Variants in CEP112 observed in about 807,000 individuals in gnomAD.
CEP112 encodes the protein centrosomal protein 112.
CEP112 carries 127 observed loss-of-function variants against 153.0 expected under a neutral mutation model. That is an observed-to-expected ratio of 0.83 (90% CI 0.72 to 0.96). The LOEUF (loss-of-function observed/expected upper bound fraction) is 0.96, where lower values mean the gene tolerates loss of function less well. CEP112 is among the 40% of genes least tolerant of loss of function. The pLI is 0.00. For synonymous variants in CEP112, 358 were observed against 374.4 expected (o/e 0.96, Z 0.51); for missense variants, 1,089 against 1,101.2 (o/e 0.99, Z 0.16).
intron 14 of CEP112, 77 bp from the exon 15 acceptor site, chr17:66,028,482 T>A: frequency 1.3e-6 from 1 of 752,826 alleles, no homozygotes; most frequent in Non-Finnish European, 2.1e-6. Context: ...TGAAAAAATA[T>A]GCCTTTTGTA....
intron 19 of CEP112, among the ~76,000 whole-genome samples, chr17:65,915,495 T>C (rs1417085111): frequency 6.6e-6 from 1 of 151,946 alleles, no homozygotes; most frequent in Admixed American, 6.6e-5. Flanking sequence ...CTTTCAAAAA[T>C]GCAAACTAGG....
At chr17:66,164,920 G>GTA (rs762279973) in intron 4 of CEP112, among the ~76,000 whole-genome samples, 2 of 129,934 alleles carry the variant, frequency 1.5e-5, no homozygotes, top group African/African-American at 3.1e-5. Flanking sequence ...GTGTGTGTGT[G>GTA]TATATTTATT....
At chr17:65,775,119 T>C (rs1227201754) in intron 21 of CEP112, among the ~76,000 whole-genome samples, 1 of 152,084 alleles carries the variant, frequency 6.6e-6, no homozygotes, top group Non-Finnish European at 1.5e-5. Flanking sequence ...AAAATCAGCA[T>C]TTGACCATCT....
At chr17:66,183,381 A>G (rs1343909919) in intron 1 of CEP112, 74 bp from the exon 2 acceptor site, 9 of 1,055,648 alleles carry the variant, frequency 8.5e-6, no homozygotes, top group Admixed American at 2.4e-5. Context: ...AGAAAGATAA[A>G]AAAAACTCTT....
chr17:65,763,149 G>A (rs1314041909), intron 21 of CEP112, among the ~76,000 whole-genome samples: 2 of 152,022 alleles, frequency 1.3e-5, no homozygotes, highest in Non-Finnish European at 2.9e-5. Flanking sequence ...ACGCTTGCAT[G>A]ATTTCTTAGA....
At chr17:65,742,236 C>T (rs2051180885) in intron 23 of CEP112, among the ~76,000 whole-genome samples, 1 of 152,060 alleles carries the variant, frequency 6.6e-6, no homozygotes, top group Non-Finnish European at 1.5e-5. Flanking sequence ...CTGTAAAACC[C>T]CAATTTTTCT....
chr17:66,080,034 A>G (rs1215256990), intron 8 of CEP112, among the ~76,000 whole-genome samples: 1 of 152,170 alleles, frequency 6.6e-6, no homozygotes, highest in African/African-American at 2.4e-5. Context: ...ACTTAAACAT[A>G]AGATCTAAAA....
At chr17:65,755,857 A>G (rs1412758675) in intron 21 of CEP112, among the ~76,000 whole-genome samples, 1 of 152,146 alleles carries the variant, frequency 6.6e-6, no homozygotes, top group African/African-American at 2.4e-5. Flanking sequence ...TGCAGTATTG[A>G]AGTATCTGGG....
chr17:65,971,879 T>C (rs1027531142), intron 17 of CEP112, among the ~76,000 whole-genome samples: 1 of 152,046 alleles, frequency 6.6e-6, no homozygotes, highest in Non-Finnish European at 1.5e-5. Context: ...AGGAAACAAA[T>C]GCTGAAAATA....
At position 65,913,713 on chromosome 17, in the gene CEP112, C is replaced by G. The variant is rs912597419; in HGVS notation, c.1981-11379G>C. ...ATACACTGCTTCTTTATTCCTTTTC[C>G]TCTCCAGCCAACCATCAACAGCCAG... On this transcript the variant is annotated intron_variant, in intron 19 of 26. Coordinates refer to ENST00000535342, the MANE Select transcript of CEP112 (RefSeq NM_001199165.4). The G allele has an allele frequency of 1.6e-5, 16 of 985,302 alleles. No individual in the cohort carries two copies. The African/African-American group carries it at 2.8e-4, about 17-fold the overall frequency. 61.0% of individuals were successfully genotyped at this position (985,302 alleles called of 1,614,324 possible).
chr17:66,183,408 T>C, intron 1 of CEP112, 101 bp from the exon 2 acceptor site: 1 of 710,400 alleles, frequency 1.4e-6, no homozygotes, highest in Non-Finnish European at 2.2e-6. Context: ...TAGATATCAG[T>C]TCTCCCCAAA....
intron 12 of CEP112, among the ~76,000 whole-genome samples, chr17:66,034,770 C>T (rs1380127187): frequency 6.6e-6 from 1 of 151,548 alleles, no homozygotes; most frequent in African/African-American, 2.4e-5. Flanking sequence ...AACAAAGTAA[C>T]AGTGATAAAG....
intron 12 of CEP112, among the ~76,000 whole-genome samples, chr17:66,041,222 GAAAC>G (rs1223316833): frequency 2.0e-5 from 3 of 149,154 alleles, no homozygotes; most frequent in Non-Finnish European, 4.5e-5. Flanking sequence ...TATACATTGA[GAAAC>G]AAAAAATATA....
intron 24 of CEP112, among the ~76,000 whole-genome samples, chr17:65,660,177 C>CCTTCCTTCCTTCCT (rs2046270778): frequency 2.4e-4 from 34 of 139,484 alleles, no homozygotes; most frequent in African/African-American, 9.5e-4. Flanking sequence ...ACCTTGATTT[C>CCTTCCTTCCTTCCT]TCCTTCCTTC....
At chr17:66,022,517 G>A (rs1378127857) in intron 16 of CEP112, among the ~76,000 whole-genome samples, 1 of 151,864 alleles carries the variant, frequency 6.6e-6, no homozygotes, top group East Asian at 1.9e-4. Flanking sequence ...GACCACCCTA[G>A]CTAACATGGT....
intron 12 of CEP112, among the ~76,000 whole-genome samples, chr17:66,041,421 A>C (rs1003962270): frequency 2.6e-5 from 4 of 152,194 alleles, no homozygotes; most frequent in African/African-American, 9.7e-5. Flanking sequence ...CGAGAAAAAA[A>C]ATTTGGTTTC....
At chr17:65,875,337 C>T (rs985172374) in intron 20 of CEP112, among the ~76,000 whole-genome samples, 1 of 151,990 alleles carries the variant, frequency 6.6e-6, no homozygotes, top group Non-Finnish European at 1.5e-5. Flanking sequence ...TTTAAAAATA[C>T]ACATAATCAA....
chr17:66,003,650 C>T (rs1019858418), intron 17 of CEP112, among the ~76,000 whole-genome samples: 1 of 152,154 alleles, frequency 6.6e-6, no homozygotes, highest in African/African-American at 2.4e-5. Flanking sequence ...GCAAAGGTCC[C>T]AAACCCCTGG....
chr17:65,839,431 T>C (rs1598744855), intron 21 of CEP112, among the ~76,000 whole-genome samples: 1 of 150,724 alleles, frequency 6.6e-6, no homozygotes, highest in Middle Eastern at 3.4e-3. Context: ...TAGTAGATGC[T>C]GAAAAATCAT....
Sources: gnomAD v4.1 joint callset for allele counts (sites outside exome capture counted in the v4.1 genomes callset) on GRCh38, gnomAD v4.1.1 for gene constraint, MANE v1.5 for transcripts, NCBI Gene and HGNC (gene_info 2026-07-23, HGNC 2026-07-21) for gene names.